Variants in FREM3 observed in about 807,000 individuals in gnomAD.
FREM3 encodes FRAS1-related extracellular matrix protein 3.
In FREM3, 105 loss-of-function variants were observed where a neutral mutation model predicts 129.1. The ratio of observed to expected loss-of-function variants is 0.81; its 90% CI spans 0.69 to 0.96. The LOEUF (loss-of-function observed/expected upper bound fraction) is 0.96. Among genes scored for constraint, FREM3 ranks in the 40% least tolerant of loss-of-function variants. FREM3 has a pLI of 0.00. For missense variants in FREM3, 2,593 were observed against 2,666.3 expected (o/e 0.97, Z 0.61); for synonymous variants, 1,014 against 1,044.9 (o/e 0.97, Z 0.57).
intron 2 of FREM3, among the ~76,000 whole-genome samples, chr4:143,665,450 G>T (rs1223633013): frequency 6.6e-6 from 1 of 152,024 alleles, no homozygotes; most frequent in Non-Finnish European, 1.5e-5. Flanking sequence ...CATATAGGAG[G>T]TACTTAATAA....
At chr4:143,669,695 C>A (rs968462421) in intron 2 of FREM3, among the ~76,000 whole-genome samples, 6 of 150,730 alleles carry the variant, frequency 4.0e-5, no homozygotes, top group Admixed American at 2.0e-4. Flanking sequence ...AGGACTTGTC[C>A]TTTATGCATG....
intron 2 of FREM3, among the ~76,000 whole-genome samples, chr4:143,679,862 A>G (rs1325259533): frequency 2.0e-5 from 3 of 152,078 alleles, no homozygotes; most frequent in Non-Finnish European, 4.4e-5. Flanking sequence ...AACAAATCCA[A>G]TTGCTGATTC....
In FREM3 at chr4:143,588,930, A is replaced by G. The variant is rs541783354; in HGVS notation, c.6029-2937T>C. 3.8e-3 allele frequency among the ~76,000 whole-genome samples: 572 copies of G among 150,118 alleles called. 4 individuals are homozygous for G. Among genetic ancestry groups the G allele is most frequent in the African/African-American group, 0.013 (527 of 39,822 alleles). On this transcript the variant is annotated intron_variant, in intron 6 of 7. Coordinates refer to ENST00000329798, the MANE Select transcript of FREM3 (RefSeq NM_001168235.2). ...GTCGTTTCCTGACTTTTTAATGATC[A>G]CCATTCTAACTGGTGTGAGATGGTA...
At chr4:143,692,517 C>T (rs908387574) in intron 2 of FREM3, among the ~76,000 whole-genome samples, 31 of 151,994 alleles carry the variant, frequency 2.0e-4, no homozygotes, top group African/African-American at 6.5e-4. Context: ...TCATTGAATC[C>T]CTAGGTGTGT....
chr4:143,584,775 T>G (rs1233372327), intron 7 of FREM3, among the ~76,000 whole-genome samples: 2 of 152,172 alleles, frequency 1.3e-5, no homozygotes, highest in Admixed American at 1.3e-4. Flanking sequence ...CTTAACCAAA[T>G]GGACCTAATA....
intron 2 of FREM3, among the ~76,000 whole-genome samples, chr4:143,643,415 A>G (rs1250705858): frequency 4.1e-4 from 2 of 4,920 alleles, no homozygotes; most frequent in East Asian, 0.25. Flanking sequence ...GTATAGAAAC[A>G]CAATGTTTTA....
rs200334634 is a variant in FREM3 at position 143,699,437 on chromosome 4, G to A, written c.1239C>T (p.Gly413=). The A allele has an allele frequency of 4.4e-3, 6,828 of 1,537,280 alleles. 19 individuals carry two copies. The highest frequency in any genetic ancestry group is 5.3e-3 in the Non-Finnish European group (6,075 of 1,146,922). ...QLELEVVDGD[G]AASDPFAFMV... ...TGAAGGCAAAGGGGTCTGAGGCGGC[G>A]CCGTCTCCGTCCACCACCTCCAGCT... The change falls in exon 1 of 8, where the codon GGC becomes GGT. Residue 413 remains glycine (G), a synonymous_variant. Coordinates refer to ENST00000329798, the MANE Select transcript of FREM3 (RefSeq NM_001168235.2). The surrounding 1 kb of genome is among the most constrained non-coding windows in gnomAD (Gnocchi z 4.2).
intron 6 of FREM3, among the ~76,000 whole-genome samples, chr4:143,598,471 T>TTC: frequency 6.6e-6 from 1 of 152,138 alleles, no homozygotes; most frequent in Non-Finnish European, 1.5e-5. Flanking sequence ...TATGTGAGAT[T>TTC]GTTAGTGCTC....
At chr4:143,586,803 A>G (rs886749143) in intron 6 of FREM3, among the ~76,000 whole-genome samples, 2 of 152,304 alleles carry the variant, frequency 1.3e-5, no homozygotes, top group South Asian at 2.1e-4. Context: ...AATACCTACT[A>G]TATGTACTGT....
chr4:143,678,760 C>G (rs1044374038), intron 2 of FREM3, among the ~76,000 whole-genome samples: 2 of 151,930 alleles, frequency 1.3e-5, no homozygotes, highest in Admixed American at 1.3e-4. Context: ...ATTAGATAAC[C>G]TCTTAATTAA....
Position 143,689,317 on chromosome 4 carries a change from C to T in FREM3, c.5275+3796G>A, listed in dbSNP as rs1290547963. ...TAATCAGGGAAATGTAAATCAAGACCGCAATGAGATACCACCTCACTCCTG... is the reference window on the plus strand; with the variant it reads ...TAATCAGGGAAATGTAAATCAAGACTGCAATGAGATACCACCTCACTCCTG... On this transcript the variant is annotated intron_variant, in intron 2 of 7. Transcript: ENST00000329798. Among the ~76,000 whole-genome samples the T allele has an allele frequency of 4.6e-5, 7 of 151,840 alleles. No individual in the cohort carries two copies. In the South Asian group the frequency reaches 6.2e-4, roughly 14 times the overall value.
intron 6 of FREM3, among the ~76,000 whole-genome samples, chr4:143,590,781 T>C (rs1335404611): frequency 2.6e-5 from 4 of 152,190 alleles, no homozygotes; most frequent in Non-Finnish European, 5.9e-5. Flanking sequence ...TTCCCTCTTT[T>C]TCTATTGATT....
At chr4:143,683,322 G>T (rs751032599) in intron 2 of FREM3, among the ~76,000 whole-genome samples, 6 of 152,186 alleles carry the variant, frequency 3.9e-5, no homozygotes, top group Non-Finnish European at 5.9e-5. Flanking sequence ...GTTCCTGCAG[G>T]ACCTGGGAGA....
intron 7 of FREM3, among the ~76,000 whole-genome samples, chr4:143,579,093 G>A (rs943625040): frequency 1.3e-5 from 2 of 150,430 alleles, no homozygotes; most frequent in African/African-American, 4.9e-5. Context: ...CACTCTACTT[G>A]TTACTCTTCT....
At position 143,697,385 on chromosome 4, in the gene FREM3, A is replaced by T; in HGVS notation, c.3291T>A (p.Asp1097Glu). 1 of 1,537,216 alleles carries T rather than the reference A, an allele frequency of 6.5e-7. No individual in the cohort carries two copies. The highest frequency in any genetic ancestry group is 8.7e-7 in the Non-Finnish European group (1 of 1,146,864). Reference protein sequence around the residue: ...SLTLQHLHVEDVDTHQDELLC... With the variant: ...SLTLQHLHVEEVDTHQDELLC... ...GGAGTTCATCTTGATGAGTGTCCAC[A>T]TCTTCAACATGGAGATGTTGTAAGG... Residue 1097 changes from aspartate to glutamate, a missense_variant, in exon 1 of 8, where the codon GAT (aspartate) becomes GAA (glutamate). Coordinates refer to ENST00000329798, the MANE Select transcript of FREM3 (RefSeq NM_001168235.2).
intron 6 of FREM3, among the ~76,000 whole-genome samples, chr4:143,609,636 TA>T (rs961484727): frequency 4.5e-4 from 68 of 151,788 alleles, no homozygotes; most frequent in Non-Finnish European, 7.2e-4. Context: ...GCCCTGTAAT[TA>T]AAAAAAAATT....
Position 143,699,450 on chromosome 4 carries a change from A to G in FREM3, c.1226T>C (p.Val409Ala), listed in dbSNP as rs759769661. Residue 409 changes from valine (V) to alanine (A), a missense_variant, in exon 1 of 8, where the codon GTG (valine) becomes GCG (alanine). By Grantham distance (64) the Val-to-Ala change is moderately conservative. Around this residue, in one of 2 missense-constraint regions of FREM3, gnomAD observed 2,276 missense variants for 2,267.2 expected, o/e 1.00. Coordinates refer to ENST00000329798, the MANE Select transcript of FREM3 (RefSeq NM_001168235.2). The surrounding 1 kb of genome is among the most constrained non-coding windows in gnomAD (Gnocchi z 4.2). ...GTCTGAGGCGGCGCCGTCTCCGTCC[A>G]CCACCTCCAGCTCCAGCTGAAAGAG... ...ERLFQLELEVVDGDGAASDPF... is the reference protein window; with the variant it reads ...ERLFQLELEVADGDGAASDPF... The G allele has an allele frequency of 7.2e-6, 11 of 1,537,118 alleles. No homozygotes were observed. In the South Asian group the frequency reaches 8.3e-5, roughly 12 times the overall value.
chr4:143,630,995 C>T (rs968561548), intron 2 of FREM3, among the ~76,000 whole-genome samples: 1 of 152,014 alleles, frequency 6.6e-6, no homozygotes, highest in African/African-American at 2.4e-5. Flanking sequence ...AAAGACTGTC[C>T]ATCAGAAGTC....
chr4:143,668,243 G>T (rs1179619443), intron 2 of FREM3, among the ~76,000 whole-genome samples: 1 of 151,996 alleles, frequency 6.6e-6, no homozygotes, highest in Non-Finnish European at 1.5e-5. Flanking sequence ...CTGGGTCAAA[G>T]AAATAAAAAG....
Sources: allele counts gnomAD v4.1 joint callset (sites outside exome capture counted in the v4.1 genomes callset), GRCh38; gene constraint gnomAD v4.1.1; regional missense constraint gnomAD v4.1.1; non-coding constraint Gnocchi (gnomAD v3.1); transcripts MANE v1.5; gene names NCBI Gene and HGNC (gene_info 2026-07-23, HGNC 2026-07-21).